Variants in ITPR2 observed in about 807,000 individuals in gnomAD.
The protein encoded by ITPR2 is inositol 1,4,5-trisphosphate receptor type 2, also known as inositol 1,4,5-trisphosphate-gated calcium channel ITPR2.
ITPR2 carries 207 observed loss-of-function variants against 317.1 expected under a neutral mutation model. The ratio of observed to expected loss-of-function variants is 0.65; its 90% CI spans 0.58 to 0.73. ITPR2 has a LOEUF of 0.73. Ranked by LOEUF, ITPR2 falls within the 30% of genes least tolerant of loss-of-function variation. The probability of loss-of-function intolerance (pLI) is 0.00; values close to 1 mark genes in which losing one functional copy is unlikely to be tolerated. For missense variants in ITPR2, 2,613 were observed against 3,284.0 expected, an observed-to-expected ratio of 0.80 and a Z score of 4.99; for synonymous variants, 1,156 against 1,149.1, an observed-to-expected ratio of 1.01 and a Z score of -0.12.
chr12:26,465,757 A>T (rs1203030282), intron 45 of ITPR2, among the ~76,000 whole-genome samples: 1 of 152,086 alleles, frequency 6.6e-6, no homozygotes, highest in Non-Finnish European at 1.5e-5. Flanking sequence ...TAATAAAGGT[A>T]TACTCCATGG....
chr12:26,473,815 C>T (rs1942350157), intron 45 of ITPR2, among the ~76,000 whole-genome samples: 2 of 152,154 alleles, frequency 1.3e-5, no homozygotes, highest in African/African-American at 2.4e-5. Context: ...TCTAAAACGA[C>T]ACCTTTTCCA....
At chr12:26,622,480 G>A (rs531571687) in intron 24 of ITPR2, 75 bp from the exon 25 acceptor site, 17 of 1,152,628 alleles carry the variant, frequency 1.5e-5, no homozygotes, top group South Asian at 9.0e-5. Flanking sequence ...AATTGTATAC[G>A]TATTCTCAGA....
At chr12:26,475,539 GA>G in intron 44 of ITPR2, 121 bp from the exon 45 acceptor site, 1 of 1,014,964 alleles carries the variant, frequency 9.9e-7, no homozygotes, top group Non-Finnish European at 1.4e-6. Context: ...GACTCTAAAT[GA>G]AAATGGCCTT....
intron 2 of ITPR2, among the ~76,000 whole-genome samples, chr12:26,756,878 G>A (rs1949531397): frequency 6.6e-6 from 1 of 152,166 alleles, no homozygotes; most frequent in Non-Finnish European, 1.5e-5. Context: ...ATACCCAGAT[G>A]GTTCAGGCAT....
chr12:26,527,106 A>G (rs1943827207), intron 37 of ITPR2, among the ~76,000 whole-genome samples: 1 of 152,218 alleles, frequency 6.6e-6, no homozygotes. Flanking sequence ...AATGGTTTAC[A>G]ATCATCCCAA....
intron 21 of ITPR2, among the ~76,000 whole-genome samples, chr12:26,648,120 C>G (rs1361404916): frequency 6.6e-6 from 1 of 152,130 alleles, no homozygotes; most frequent in Non-Finnish European, 1.5e-5. Flanking sequence ...TGCCACTTTC[C>G]AAGCCAGCCA....
intron 13 of ITPR2, among the ~76,000 whole-genome samples, chr12:26,671,899 C>G (rs1461490348): frequency 2.0e-5 from 3 of 152,190 alleles, no homozygotes; most frequent in South Asian, 4.2e-4. Flanking sequence ...GGGTTGCAAT[C>G]CTAGTCTCTG....
intron 1 of ITPR2, among the ~76,000 whole-genome samples, chr12:26,817,974 G>A (rs1950887147): frequency 2.0e-5 from 3 of 152,084 alleles, no homozygotes; most frequent in Admixed American, 6.6e-5. Context: ...TTTATTCTGG[G>A]TACCCACAAA....
At chr12:26,687,530 C>T (rs189242200) in intron 10 of ITPR2, among the ~76,000 whole-genome samples, 1 of 152,160 alleles carries the variant, frequency 6.6e-6, no homozygotes, top group African/African-American at 2.4e-5. Flanking sequence ...CAGCCTATAT[C>T]CATGGACAAG....
chr12:26,605,163 A>C (rs1377981183), intron 26 of ITPR2, among the ~76,000 whole-genome samples: 2 of 150,394 alleles, frequency 1.3e-5, no homozygotes, highest in East Asian at 3.9e-4. Flanking sequence ...TAAACTATAC[A>C]TGAAAGTAAA....
At chr12:26,557,810 A>G (rs1037354414) in intron 35 of ITPR2, among the ~76,000 whole-genome samples, 1 of 152,234 alleles carries the variant, frequency 6.6e-6, no homozygotes, top group Non-Finnish European at 1.5e-5. Context: ...TTTCCTAAAC[A>G]TTCTTTAATG....
At chr12:26,756,196 T>A (rs1313865025) in intron 2 of ITPR2, among the ~76,000 whole-genome samples, 1 of 152,216 alleles carries the variant, frequency 6.6e-6, no homozygotes, top group Non-Finnish European at 1.5e-5. Flanking sequence ...TTTCAAGAAC[T>A]ATGGTACATC....
intron 9 of ITPR2, among the ~76,000 whole-genome samples, chr12:26,705,061 T>C (rs1425240200): frequency 6.6e-6 from 1 of 152,158 alleles, no homozygotes; most frequent in Non-Finnish European, 1.5e-5. Context: ...GTACTTCCCT[T>C]TAATGCAAAA....
At chr12:26,660,345 C>G (rs1947469166) in intron 15 of ITPR2, among the ~76,000 whole-genome samples, 1 of 152,194 alleles carries the variant, frequency 6.6e-6, no homozygotes, top group Non-Finnish European at 1.5e-5. Context: ...CACTAATTTT[C>G]CTATATCCCA....
In ITPR2 at chr12:26,488,854, G is replaced by C. The variant is rs574781341; in HGVS notation, c.5371-1603C>G. ...GTTCTTCTATATATATTACTTCATA[G>C]ATACTTTCAATTCAACAGTGTGATG... On this transcript the variant is annotated intron_variant, in intron 39 of 56. Transcript: ENST00000381340. Among the ~76,000 whole-genome samples the C allele has an allele frequency of 2.0e-5, 3 of 152,214 alleles. No individual in the cohort carries two copies. In the South Asian group the frequency reaches 6.2e-4, roughly 32 times the overall value.
Position 26,443,535 on chromosome 12 carries a change from A to G in ITPR2, c.6450+8T>C. 1 of 1,590,714 alleles carries G rather than the reference A, an allele frequency of 6.3e-7. No homozygotes were observed. The highest frequency in any genetic ancestry group is 1.1e-5 in the South Asian group (1 of 89,830). On this transcript the variant is annotated splice_region_variant and intron_variant, in intron 46 of 56. Transcript: ENST00000381340. ...GTTGGTCTCTTTCAATAAATAATAG[A>G]TGGTTACCTCAATCTGTGCAGTGTG...
At chr12:26,773,909 A>T (rs1224647254) in intron 2 of ITPR2, among the ~76,000 whole-genome samples, 1 of 151,780 alleles carries the variant, frequency 6.6e-6, no homozygotes, top group Non-Finnish European at 1.5e-5. Context: ...TGGCATTAGC[A>T]GTAAGGGTTA....
chr12:26,613,094 T>C (rs1946307699), intron 26 of ITPR2, among the ~76,000 whole-genome samples: 1 of 152,136 alleles, frequency 6.6e-6, no homozygotes, highest in African/African-American at 2.4e-5. Flanking sequence ...GAGATTTGAG[T>C]CCAGATATCT....
At chr12:26,339,981 G>A (rs973556206) in intron 56 of ITPR2, among the ~76,000 whole-genome samples, 186 bp downstream of exon 56, 7 of 152,096 alleles carry the variant, frequency 4.6e-5, no homozygotes, top group Non-Finnish European at 8.8e-5. Flanking sequence ...TGAGGCTCAG[G>A]GAGATGGGAT....
Sources: gnomAD v4.1 joint callset for allele counts (sites outside exome capture counted in the v4.1 genomes callset) on GRCh38, gnomAD v4.1.1 for gene constraint, MANE v1.5 for transcripts, NCBI Gene and HGNC (gene_info 2026-07-23, HGNC 2026-07-21) for gene names.